PLOD2: variants seen among roughly 807,000 people sequenced by gnomAD.
PLOD2 encodes the protein lysine hydroxylase 2.
In PLOD2, 65 loss-of-function variants were observed where a neutral mutation model predicts 101.0. The ratio of observed to expected loss-of-function variants is 0.64; its 90% CI spans 0.53 to 0.79. PLOD2 has a LOEUF of 0.79. Among genes scored for constraint, PLOD2 ranks in the 30% least tolerant of loss-of-function variants. PLOD2 has a pLI of 0.00. For missense variants in PLOD2, 909 were observed against 914.6 expected, an observed-to-expected ratio of 0.99 and a Z score of 0.08; for synonymous variants, 314 against 302.9, an observed-to-expected ratio of 1.04 and a Z score of -0.38.
chr3:146,096,760 G>A (rs1480461336), intron 7 of PLOD2, among the ~76,000 whole-genome samples: 1 of 148,072 alleles, frequency 6.8e-6, no homozygotes. Flanking sequence ...GGTGGGGGGG[G>A]TCAGCCCCCC....
chr3:146,096,170 G>C (rs1163852711), intron 7 of PLOD2, among the ~76,000 whole-genome samples: 1 of 147,654 alleles, frequency 6.8e-6, no homozygotes, highest in Non-Finnish European at 1.5e-5. Context: ...ATTGCAGATG[G>C]AGTCTCGTTC....
chr3:146,150,559 A>G (rs546736312), intron 1 of PLOD2, among the ~76,000 whole-genome samples: 1 of 152,342 alleles, frequency 6.6e-6, no homozygotes, highest in East Asian at 1.9e-4. Flanking sequence ...GGAACAACAG[A>G]TACTGGGCTC....
At chr3:146,160,582 G>A (rs1484447170) in intron 1 of PLOD2, among the ~76,000 whole-genome samples, 1 of 152,130 alleles carries the variant, frequency 6.6e-6, no homozygotes, top group Non-Finnish European at 1.5e-5. Flanking sequence ...CTGCAGGAAA[G>A]GTGTTGGTGC....
At chr3:146,097,826 A>ATAAT (rs34940478) in intron 7 of PLOD2, among the ~76,000 whole-genome samples, 19,824 of 143,878 alleles carry the variant, frequency 0.14, 1,550 homozygotes, top group Non-Finnish European at 0.15. Flanking sequence ...AATAATAATA[A>ATAAT]AAAAAGAAAA....
At chr3:146,146,269 A>G (rs201444522) in intron 1 of PLOD2, among the ~76,000 whole-genome samples, 1 of 15,758 alleles carries the variant, frequency 6.3e-5, no homozygotes, top group South Asian at 1.2e-3. Flanking sequence ...AATTACTGAA[A>G]AAGTCATGAG....
chr3:146,151,458 T>C (rs369083288), intron 1 of PLOD2, among the ~76,000 whole-genome samples: 1 of 151,878 alleles, frequency 6.6e-6, no homozygotes, highest in East Asian at 1.9e-4. Context: ...GATCGCGCCA[T>C]TGCACTCCAG....
intron 3 of PLOD2, among the ~76,000 whole-genome samples, chr3:146,117,236 T>C (rs982702490): frequency 6.6e-6 from 1 of 152,156 alleles, no homozygotes; most frequent in Admixed American, 6.6e-5. Flanking sequence ...CATAAAACAG[T>C]TGAGTTGTCC....
At position 146,077,867 on chromosome 3, in the gene PLOD2, G is replaced by C; in HGVS notation, c.1558C>G (p.Pro520Ala). Residue 520 changes from proline to alanine, a missense_variant, in exon 14 of 20, where the codon CCA (proline) becomes GCA (alanine). Transcript: ENST00000282903. ...TPETFQMLSP[P>A]KGVFMYISNR... is the part of the protein sequence containing the mutation. ...AAAATAAGTAAAAATAACACCTTTG[G>C]GGGGCTGAGCATTTGGAATGTTTCC... 3 of 1,576,222 alleles carry C rather than the reference G, an allele frequency of 1.9e-6. No individual in the cohort carries two copies. The highest frequency in any genetic ancestry group is 1.7e-6 in the Non-Finnish European group (2 of 1,148,306).
At chr3:146,139,045 G>A (rs146294200) in intron 1 of PLOD2, among the ~76,000 whole-genome samples, 96 of 152,228 alleles carry the variant, frequency 6.3e-4, no homozygotes, top group Non-Finnish European at 1.2e-3. Flanking sequence ...CACAGGAGAG[G>A]CCAAGGACAA....
chr3:146,078,966 T>G lies in PLOD2; in HGVS notation c.1500+150A>C, dbSNP rs924927101. 48 of 725,086 alleles carry G rather than the reference T, an allele frequency of 6.6e-5. No individual in the cohort carries two copies. In the African/African-American group the frequency reaches 8.3e-4, roughly 12 times the overall value. 44.9% of individuals were successfully genotyped at this position (725,086 alleles called of 1,614,324 possible). A position where few individuals can be genotyped will look rare whatever the true frequency, so the allele number is the denominator to read the frequency against. On this transcript the variant is annotated intron_variant, in intron 13 of 19. Transcript: ENST00000282903. ...GTAAATGTTAAATTATCTCCAAAATTACTCCCAAATTTTTTAACACAGAAC... is the reference window on the plus strand; with the variant it reads ...GTAAATGTTAAATTATCTCCAAAATGACTCCCAAATTTTTTAACACAGAAC...
intron 8 of PLOD2, among the ~76,000 whole-genome samples, chr3:146,091,043 C>T (rs1039156400): frequency 1.3e-5 from 2 of 151,814 alleles, no homozygotes; most frequent in African/African-American, 4.8e-5. Context: ...AACAAAGATA[C>T]ATAAAAATGT....
chr3:146,102,469 G>A (rs1046536002), intron 7 of PLOD2, among the ~76,000 whole-genome samples: 1 of 152,140 alleles, frequency 6.6e-6, no homozygotes, highest in Non-Finnish European at 1.5e-5. Flanking sequence ...AGGATACCCA[G>A]TATGAGAGAA....
intron 7 of PLOD2, among the ~76,000 whole-genome samples, chr3:146,099,462 T>A (rs1183696306): frequency 6.6e-6 from 1 of 152,168 alleles, no homozygotes; most frequent in Non-Finnish European, 1.5e-5. Context: ...AATGGCCCGA[T>A]CTTGGCTGAC....
intron 1 of PLOD2, among the ~76,000 whole-genome samples, chr3:146,139,967 GCCACCTGGTTCTTCAAGACTGCT>G (rs893939837): frequency 6.6e-6 from 1 of 151,960 alleles, no homozygotes; most frequent in Non-Finnish European, 1.5e-5. Context: ...TGAATGGTTC[GCCACCTGGTTCTTCAAGACTGCT>G]CCACAAAAAC....
At chr3:146,106,680 A>C (rs369696350) in intron 4 of PLOD2, 36 bp from the exon 5 acceptor site, 4 of 1,071,174 alleles carry the variant, frequency 3.7e-6, no homozygotes, top group Non-Finnish European at 5.8e-6. Flanking sequence ...ATAATTTAGG[A>C]TTCAAAGACC....
At position 146,086,836 on chromosome 3, in the gene PLOD2, C is replaced by A; in HGVS notation, c.1078G>T (p.Val360Leu). ...TGACTTAGATTTTCTTCTGGTCCTACTATTTTTATAGTTTTGATTTCATGC... is the reference window on the plus strand; with the variant it reads ...TGACTTAGATTTTCTTCTGGTCCTAATATTTTTATAGTTTTGATTTCATGC... ...AKHEIKTIKI[V>L]GPEENLSQAE... Residue 360 changes from valine (V) to leucine (L), a missense_variant, in exon 10 of 20, where the codon GTA (valine) becomes TTA (leucine). Val to Leu is a conservative substitution (Grantham distance 32, BLOSUM62 1). Coordinates refer to ENST00000282903, the MANE Select transcript of PLOD2 (RefSeq NM_182943.3). 1 of 1,535,136 alleles carries A rather than the reference C, an allele frequency of 6.5e-7. No homozygotes were observed. Among genetic ancestry groups the A allele is most frequent in the Non-Finnish European group, 8.9e-7 (1 of 1,124,832 alleles).
At chr3:146,145,938 A>C (rs2031752798) in intron 1 of PLOD2, among the ~76,000 whole-genome samples, 1 of 152,228 alleles carries the variant, frequency 6.6e-6, no homozygotes, top group African/African-American at 2.4e-5. Flanking sequence ...AATTGTAATT[A>C]GGATTAAGTT....
In PLOD2 at chr3:146,102,897, G is replaced by A. The variant is rs3762691; in HGVS notation, c.680-45C>T. 0.46 allele frequency: 443,999 copies of A among 961,388 alleles called. 104,714 individuals are homozygous for A. Among genetic ancestry groups the A allele is most frequent in the Middle Eastern group, 0.53 (2,526 of 4,762 alleles). The allele number at this position is 961,388 out of a possible 1,614,324, so 59.6% of individuals were successfully genotyped here. On this transcript the variant is annotated intron_variant, in intron 6 of 19. Coordinates refer to ENST00000282903, the MANE Select transcript of PLOD2 (RefSeq NM_182943.3). ...TAGGCTTTAGTAATTTAAAATACGT[G>A]TGTGTGTGTCTGTATTCGTGTGTCT... is the stretch of plus-strand genomic sequence containing the variant.
rs151018419 is a variant in PLOD2 at position 146,071,317 on chromosome 3, G to A, written c.1955C>T (p.Ala652Val). The A allele has an allele frequency of 1.1e-5, 18 of 1,612,060 alleles. No individual in the cohort carries two copies. In the Admixed American group the frequency reaches 2.2e-4, roughly 19 times the overall value. ...VWLHFIREFI[A>V]PVTLKVFAGY... ...TGCAAAGACCTTCAGTGTAACTGGT[G>A]CAATGAACTCCCGGATAAAATGAAG... Residue 652 changes from alanine (A) to valine (V), a missense_variant, in exon 18 of 20, where the codon GCA becomes GTA. Physicochemically the swap from Ala to Val is moderately conservative, Grantham distance 64. Transcript: ENST00000282903.
Sources: allele counts gnomAD v4.1 joint callset (sites outside exome capture counted in the v4.1 genomes callset), GRCh38; gene constraint gnomAD v4.1.1; transcripts MANE v1.5; gene names NCBI Gene and HGNC (gene_info 2026-07-23, HGNC 2026-07-21).